Variants in PDS5B observed in about 807,000 individuals in gnomAD.
PDS5B encodes sister chromatid cohesion protein PDS5 homolog B.
Under a neutral mutation model 184.1 loss-of-function variants are expected in PDS5B, and 51 were observed. The observed-to-expected ratio is 0.28, with a 90% CI of 0.22 to 0.35. PDS5B has a LOEUF of 0.35. Among genes scored for constraint, PDS5B ranks in the 10% least tolerant of loss-of-function variants. The pLI is 1.00. For synonymous variants in PDS5B, 566 were observed against 569.2 expected (o/e 0.99, Z 0.08); for missense variants, 1,180 against 1,723.3 (o/e 0.68, Z 5.58).
intron 11 of PDS5B, among the ~76,000 whole-genome samples, chr13:32,684,417 G>A (rs965954159): frequency 1.3e-5 from 2 of 152,150 alleles, no homozygotes; most frequent in African/African-American, 2.4e-5. Flanking sequence ...CTAGCTGGTT[G>A]TATTATAATC....
chr13:32,632,224 A>G (rs2140577440), intron 1 of PDS5B, among the ~76,000 whole-genome samples: 1 of 152,356 alleles, frequency 6.6e-6, no homozygotes, highest in African/African-American at 2.4e-5. Context: ...AAAGGACATA[A>G]GAAAATGAAA....
At position 32,775,783 on chromosome 13, in the gene PDS5B, A is replaced by G. The variant is rs2141052968; in HGVS notation, c.*731A>G. ...GGCAATGAAAATTTTAAGAAGAAAG[A>G]TTTAAAGTATTTTAATTTTAAAGAG... is the stretch of plus-strand genomic sequence containing the variant. On this transcript the variant is annotated 3_prime_UTR_variant, in exon 35 of 35. Transcript: ENST00000315596. 2.6e-6 allele frequency: 1 copy of G among 383,312 alleles called. No individual in the cohort carries two copies. Among genetic ancestry groups the G allele is most frequent in the East Asian group, 7.9e-5 (1 of 12,670 alleles). 23.7% of individuals were successfully genotyped at this position (383,312 alleles called of 1,614,324 possible).
chr13:32,642,424 G>A (rs1314218952), intron 1 of PDS5B, among the ~76,000 whole-genome samples: 1 of 152,168 alleles, frequency 6.6e-6, no homozygotes, highest in Non-Finnish European at 1.5e-5. Context: ...GCTAATTGTA[G>A]TAGGTTCAAA....
At chr13:32,644,203 T>C (rs1950166214) in intron 1 of PDS5B, among the ~76,000 whole-genome samples, 1 of 152,214 alleles carries the variant, frequency 6.6e-6, no homozygotes, top group Non-Finnish European at 1.5e-5. Context: ...GTTATGGATG[T>C]CCCTGACTTA....
intron 29 of PDS5B, among the ~76,000 whole-genome samples, 195 bp downstream of exon 29, chr13:32,759,885 CT>C (rs1252421344): frequency 4.6e-5 from 7 of 151,974 alleles, no homozygotes; most frequent in East Asian, 3.9e-4. Flanking sequence ...ACACAAATTA[CT>C]TTTTAGCTTG....
chr13:32,677,921 A>G (rs1307136933), intron 9 of PDS5B, among the ~76,000 whole-genome samples: 1 of 152,158 alleles, frequency 6.6e-6, no homozygotes, highest in African/African-American at 2.4e-5. Flanking sequence ...TAATGTATAC[A>G]GACGGAACAT....
chr13:32,717,819 A>G (rs569096476), intron 19 of PDS5B, among the ~76,000 whole-genome samples: 3 of 151,812 alleles, frequency 2.0e-5, no homozygotes, highest in African/African-American at 7.2e-5. Flanking sequence ...TGTTCAGAGT[A>G]TAGAAAAGAA....
At chr13:32,590,997 AT>A (rs748197826) in intron 1 of PDS5B, among the ~76,000 whole-genome samples, 37 of 151,988 alleles carry the variant, frequency 2.4e-4, no homozygotes, top group Non-Finnish European at 4.4e-4. Context: ...AGAGTAAAAA[AT>A]GTTACTTTTT....
At chr13:32,630,621 G>A (rs2058439607) in intron 1 of PDS5B, among the ~76,000 whole-genome samples, 1 of 152,104 alleles carries the variant, frequency 6.6e-6, no homozygotes, top group Non-Finnish European at 1.5e-5. Flanking sequence ...TAGTAGTTGG[G>A]TAGTAGATAG....
At chr13:32,602,851 T>A (rs1426448932) in intron 1 of PDS5B, among the ~76,000 whole-genome samples, 1 of 152,230 alleles carries the variant, frequency 6.6e-6, no homozygotes, top group Non-Finnish European at 1.5e-5. Flanking sequence ...TGGCCAGTGA[T>A]GAGCATTTTT....
intron 1 of PDS5B, among the ~76,000 whole-genome samples, chr13:32,625,045 A>G (rs761579579): frequency 3.9e-5 from 6 of 152,166 alleles, no homozygotes; most frequent in Non-Finnish European, 7.3e-5. Context: ...CAGGATATAC[A>G]GTATTAATAT....
chr13:32,764,455 T>C (rs1335614967), intron 30 of PDS5B, 34 bp from the exon 31 acceptor site: 1 of 1,285,648 alleles, frequency 7.8e-7, no homozygotes. Flanking sequence ...GGTTATTTGA[T>C]TGTAATAACA....
intron 17 of PDS5B, among the ~76,000 whole-genome samples, chr13:32,704,391 A>G (rs1316209857): frequency 1.3e-5 from 2 of 151,316 alleles, no homozygotes; most frequent in Non-Finnish European, 2.9e-5. Flanking sequence ...CTTGTCTTGA[A>G]CTCCTGGCCT....
chr13:32,745,516 GTA>G (rs1210733194), intron 23 of PDS5B, among the ~76,000 whole-genome samples: 2 of 152,160 alleles, frequency 1.3e-5, no homozygotes, highest in African/African-American at 4.8e-5. Context: ...ATTATTTTCT[GTA>G]TTAGCCTGCT....
chr13:32,631,546 T>C (rs1191323039), intron 1 of PDS5B, among the ~76,000 whole-genome samples: 1 of 152,226 alleles, frequency 6.6e-6, no homozygotes, highest in East Asian at 1.9e-4. Context: ...TGGGATATAA[T>C]AGGTGCTCAA....
chr13:32,657,977 A>C (rs1240040813), intron 3 of PDS5B, among the ~76,000 whole-genome samples: 1 of 152,138 alleles, frequency 6.6e-6, no homozygotes, highest in Non-Finnish European at 1.5e-5. Flanking sequence ...TATTTGTTTA[A>C]CTTTTGCTAT....
At chr13:32,744,804 G>A (rs1254057239) in intron 23 of PDS5B, among the ~76,000 whole-genome samples, 1 of 152,142 alleles carries the variant, frequency 6.6e-6, no homozygotes, top group Non-Finnish European at 1.5e-5. Context: ...CTAGCATCCA[G>A]TCAATATTTT....
intron 1 of PDS5B, among the ~76,000 whole-genome samples, chr13:32,622,369 T>A (rs1180153588): frequency 1.3e-5 from 2 of 152,160 alleles, no homozygotes; most frequent in African/African-American, 2.4e-5. Context: ...TTCTTTTTTT[T>A]TACTGACTTG....
intron 10 of PDS5B, among the ~76,000 whole-genome samples, chr13:32,679,531 G>T (rs917418774): frequency 6.6e-6 from 1 of 152,054 alleles, no homozygotes; most frequent in East Asian, 1.9e-4. Context: ...AGCTACTCAG[G>T]AGGCTGAGGC....
Sources: gnomAD v4.1 joint callset for allele counts (sites outside exome capture counted in the v4.1 genomes callset) on GRCh38, gnomAD v4.1.1 for gene constraint, MANE v1.5 for transcripts, NCBI Gene and HGNC (gene_info 2026-07-23, HGNC 2026-07-21) for gene names.